The following TPD52L1 variants were observed in gnomAD, a reference collection of about 807,000 sequenced individuals.
TPD52L1 encodes the protein tumor protein D53.
TPD52L1 carries 18 observed loss-of-function variants against 28.7 expected under a neutral mutation model. The observed-to-expected ratio is 0.63, with a 90% CI of 0.43 to 0.93. The LOEUF is 0.93. Among genes scored for constraint, TPD52L1 ranks in the 40% least tolerant of loss-of-function variants. The pLI is 0.00. For missense variants in TPD52L1, 203 were observed against 254.8 expected, an observed-to-expected ratio of 0.80 and a Z score of 1.39; for synonymous variants, 75 against 88.8, an observed-to-expected ratio of 0.84 and a Z score of 0.88.
chr6:125,164,132 T>C (rs531565622), intron 1 of TPD52L1, among the ~76,000 whole-genome samples: 260 of 152,304 alleles, frequency 1.7e-3, no homozygotes, highest in African/African-American at 6.0e-3. Flanking sequence ...CTATAGGTAC[T>C]TTGTATGCAC....
chr6:125,177,056 G>A (rs569530995), intron 1 of TPD52L1, among the ~76,000 whole-genome samples: 4 of 152,070 alleles, frequency 2.6e-5, no homozygotes, highest in African/African-American at 9.6e-5. Flanking sequence ...ATAAATAAAT[G>A]TAAAAATGAA....
At chr6:125,185,798 C>T (rs914538684) in intron 1 of TPD52L1, among the ~76,000 whole-genome samples, 1 of 151,602 alleles carries the variant, frequency 6.6e-6, no homozygotes, top group Non-Finnish European at 1.5e-5. Context: ...AAACCTTTCT[C>T]TAGAGAAAAG....
At chr6:125,181,853 A>G (rs3807003) in intron 1 of TPD52L1, among the ~76,000 whole-genome samples, 32,258 of 152,210 alleles carry the variant, frequency 0.21, 4,316 homozygotes, top group Admixed American at 0.36. Context: ...GGAGCAAGTC[A>G]GTATTAGATT....
At chr6:125,192,447 A>T in intron 1 of TPD52L1, among the ~76,000 whole-genome samples, 1 of 151,690 alleles carries the variant, frequency 6.6e-6, no homozygotes, top group East Asian at 1.9e-4. Flanking sequence ...CATTCATACT[A>T]TGTTCTTTTA....
At chr6:125,252,164 C>A in intron 4 of TPD52L1, 1 of 1,089,538 alleles carries the variant, frequency 9.2e-7, no homozygotes, top group Non-Finnish European at 1.3e-6. Context: ...CCAGACAGTT[C>A]CCGTGACCAG....
At chr6:125,161,626 C>T (rs117132586) in intron 1 of TPD52L1, among the ~76,000 whole-genome samples, 1 of 152,064 alleles carries the variant, frequency 6.6e-6, no homozygotes, top group East Asian at 1.9e-4. Flanking sequence ...GTGGAGAGGG[C>T]CAGGGACAGG....
chr6:125,224,961 C>T (rs1171332311), intron 2 of TPD52L1, among the ~76,000 whole-genome samples: 3 of 152,188 alleles, frequency 2.0e-5, no homozygotes, highest in Non-Finnish European at 2.9e-5. Context: ...TGTGTAACCA[C>T]CACATCTGAA....
chr6:125,251,876 C>A, intron 4 of TPD52L1: 1 of 698,280 alleles, frequency 1.4e-6, no homozygotes, highest in Non-Finnish European at 2.4e-6. Flanking sequence ...ATTAAAAAGT[C>A]AGTGTAATCA....
At chr6:125,214,421 C>A (rs1018314662) in intron 1 of TPD52L1, 1 of 982,428 alleles carries the variant, frequency 1.0e-6, no homozygotes, top group Admixed American at 6.1e-5. Flanking sequence ...TTTCCTCTTC[C>A]CACAATCTAC....
At chr6:125,219,938 A>T in intron 1 of TPD52L1, 140 bp from the exon 2 acceptor site, 1 of 713,642 alleles carries the variant, frequency 1.4e-6, no homozygotes, top group Non-Finnish European at 2.6e-6. Flanking sequence ...ATTTAGGAGG[A>T]TTTTTGTCTT....
chr6:125,173,480 G>C (rs572810394), intron 1 of TPD52L1, among the ~76,000 whole-genome samples: 2 of 152,288 alleles, frequency 1.3e-5, no homozygotes, highest in South Asian at 4.1e-4. Context: ...GAGCCAGGAG[G>C]TGCAGCTTCT....
At chr6:125,258,594 A>C (rs1425248231) in intron 6 of TPD52L1, among the ~76,000 whole-genome samples, 1 of 152,140 alleles carries the variant, frequency 6.6e-6, no homozygotes, top group African/African-American at 2.4e-5. Flanking sequence ...GAAGAAGGAG[A>C]TATGAAGAAG....
intron 1 of TPD52L1, among the ~76,000 whole-genome samples, chr6:125,180,560 T>C (rs999078190): frequency 7.1e-6 from 1 of 140,438 alleles, no homozygotes; most frequent in Non-Finnish European, 1.5e-5. Flanking sequence ...CACACACATA[T>C]ATTATATATA....
intron 2 of TPD52L1, among the ~76,000 whole-genome samples, chr6:125,220,767 G>A (rs770327982): frequency 2.0e-5 from 3 of 152,312 alleles, no homozygotes; most frequent in East Asian, 1.9e-4. Context: ...ACCTAGGGAG[G>A]AGGAGGATGT....
At position 125,153,793 on chromosome 6, in the gene TPD52L1, G is replaced by A. The variant is rs981129482; in HGVS notation, c.-159G>A. The A allele has an allele frequency of 4.0e-6, 3 of 743,076 alleles. No homozygotes were observed. Among genetic ancestry groups the A allele is most frequent in the Middle Eastern group, 4.0e-4 (1 of 2,480 alleles). 46.0% of individuals were successfully genotyped at this position (743,076 alleles called of 1,614,324 possible). ...TAACCAGAAGCGGCTAGTGGCGGCT[G>A]CCTGCGTCCCCAACCCCCTCCGCGC... On this transcript the variant is annotated 5_prime_UTR_variant, in exon 1 of 7. Coordinates refer to ENST00000534000, the MANE Select transcript of TPD52L1 (RefSeq NM_003287.4).
At chr6:125,174,220 C>T (rs993107070) in intron 1 of TPD52L1, among the ~76,000 whole-genome samples, 2 of 152,118 alleles carry the variant, frequency 1.3e-5, no homozygotes, top group Non-Finnish European at 2.9e-5. Flanking sequence ...TTTAATATCC[C>T]CTGTGCTGGG....
rs1200012543 is a variant in TPD52L1, at chr6:125,251,972, T to C, written c.387-1745T>C. The C allele has an allele frequency of 2.6e-6, 4 of 1,534,456 alleles. No homozygotes were observed. The South Asian group carries it at 4.8e-5, about 18-fold the overall frequency. The stretch of plus-strand genomic sequence containing the variant: ...GGCAGTGCAGTGTTTCTCTGCCTCC[T>C]GTTTGCTAACTCTGCTCCTGCTCTT... On this transcript the variant is annotated intron_variant, in intron 4 of 6. Transcript: ENST00000534000.
intron 4 of TPD52L1, among the ~76,000 whole-genome samples, chr6:125,251,551 T>A (rs1310826081): frequency 6.6e-6 from 1 of 152,222 alleles, no homozygotes; most frequent in African/African-American, 2.4e-5. Flanking sequence ...TTAACCTGAT[T>A]GTCATGGAAT....
At chr6:125,217,224 A>G (rs1287524231) in intron 1 of TPD52L1, among the ~76,000 whole-genome samples, 1 of 152,172 alleles carries the variant, frequency 6.6e-6, no homozygotes, top group Non-Finnish European at 1.5e-5. Flanking sequence ...TCCACAGACA[A>G]AGGGTGGCGG....
Sources: gnomAD v4.1 joint callset for allele counts (sites outside exome capture counted in the v4.1 genomes callset) on GRCh38, gnomAD v4.1.1 for gene constraint, MANE v1.5 for transcripts, NCBI Gene and HGNC (gene_info 2026-07-23, HGNC 2026-07-21) for gene names.